Variants in CPQ observed in about 807,000 individuals in gnomAD.
CPQ encodes Ser-Met dipeptidase.
A neutral mutation model predicts 45.7 loss-of-function variants in CPQ; 37 were observed. The ratio of observed to expected loss-of-function variants is 0.81; its 90% CI spans 0.62 to 1.07. The LOEUF (loss-of-function observed/expected upper bound fraction) is 1.07, where lower values mean the gene tolerates loss of function less well. CPQ is among the 50% of genes least tolerant of loss of function. The pLI is 0.00. For missense variants in CPQ, 537 were observed against 572.9 expected, an observed-to-expected ratio of 0.94 and a Z score of 0.64; for synonymous variants, 186 against 205.8, an observed-to-expected ratio of 0.90 and a Z score of 0.82.
At chr8:97,068,348 G>C (rs1292091975) in intron 7 of CPQ, among the ~76,000 whole-genome samples, 1 of 152,138 alleles carries the variant, frequency 6.6e-6, no homozygotes. Flanking sequence ...GAATTAATAA[G>C]AGGCCGGGTG....
At chr8:96,699,088 C>G (rs977151087) in intron 1 of CPQ, among the ~76,000 whole-genome samples, 1 of 152,114 alleles carries the variant, frequency 6.6e-6, no homozygotes, top group Non-Finnish European at 1.5e-5. Flanking sequence ...AACTAAGTGT[C>G]CATCAACAGA....
chr8:96,956,911 C>G (rs1813366337), intron 4 of CPQ, among the ~76,000 whole-genome samples: 1 of 152,188 alleles, frequency 6.6e-6, no homozygotes, highest in African/African-American at 2.4e-5. Context: ...GCTAGAGGTA[C>G]TGTGCTTGGA....
chr8:96,920,302 C>G (rs1812789313), intron 4 of CPQ, among the ~76,000 whole-genome samples: 1 of 152,064 alleles, frequency 6.6e-6, no homozygotes, highest in Non-Finnish European at 1.5e-5. Context: ...GTTCTAGCAC[C>G]AGGGAAGAGT....
chr8:97,014,532 C>A (rs1298944013), intron 5 of CPQ, among the ~76,000 whole-genome samples: 1 of 151,400 alleles, frequency 6.6e-6, no homozygotes, highest in African/African-American at 2.4e-5. Context: ...TGCCTGTAAT[C>A]TCTGGAGGCA....
chr8:96,665,205 A>G (rs1808903920), intron 1 of CPQ, among the ~76,000 whole-genome samples: 1 of 152,198 alleles, frequency 6.6e-6, no homozygotes, highest in African/African-American at 2.4e-5. Flanking sequence ...GGAGAGGCAA[A>G]AGCAAGGGAG....
chr8:97,004,257 C>A (rs1258729270), intron 5 of CPQ, among the ~76,000 whole-genome samples: 1 of 146,864 alleles, frequency 6.8e-6, no homozygotes, highest in Non-Finnish European at 1.5e-5. Context: ...AGTAAAGGTC[C>A]AAAATAAATA....
chr8:96,848,918 C>T (rs1811734903), intron 3 of CPQ, among the ~76,000 whole-genome samples: 1 of 152,088 alleles, frequency 6.6e-6, no homozygotes, highest in South Asian at 2.1e-4. Context: ...AGGTGATGTA[C>T]TTTTTCATTA....
chr8:96,798,846 G>C (rs1299854950), intron 2 of CPQ, among the ~76,000 whole-genome samples: 1 of 151,952 alleles, frequency 6.6e-6, no homozygotes, highest in Non-Finnish European at 1.5e-5. Context: ...TATCTCCTCT[G>C]AAAAACTGAC....
chr8:97,046,578 T>C (rs1810260666), intron 6 of CPQ, among the ~76,000 whole-genome samples: 1 of 152,222 alleles, frequency 6.6e-6, no homozygotes, highest in South Asian at 2.1e-4. Flanking sequence ...CTGTTACTAG[T>C]TAAAACGGGA....
intron 7 of CPQ, among the ~76,000 whole-genome samples, chr8:97,096,767 G>A (rs1430713161): frequency 5.3e-5 from 8 of 152,214 alleles, no homozygotes; most frequent in Admixed American, 5.2e-4. Context: ...CCTGCAGAGA[G>A]GGGAAGAGTA....
intron 5 of CPQ, among the ~76,000 whole-genome samples, chr8:97,013,940 C>T (rs1275411452): frequency 4.6e-5 from 7 of 152,078 alleles, no homozygotes; most frequent in South Asian, 4.2e-4. Flanking sequence ...GTATATGTGT[C>T]ATTTATATGT....
chr8:97,042,333 C>A (rs1204443397), intron 6 of CPQ, among the ~76,000 whole-genome samples: 5 of 151,802 alleles, frequency 3.3e-5, no homozygotes, highest in Non-Finnish European at 7.4e-5. Context: ...GTGGTGATAT[C>A]CCCTTTATCA....
intron 3 of CPQ, among the ~76,000 whole-genome samples, chr8:96,856,714 A>G (rs552025454): frequency 1.3e-5 from 2 of 152,330 alleles, no homozygotes; most frequent in African/African-American, 4.8e-5. Context: ...GCATTCTGGC[A>G]GAGGAGATAG....
intron 1 of CPQ, among the ~76,000 whole-genome samples, chr8:96,739,679 T>C (rs2130777226): frequency 1.3e-5 from 2 of 149,520 alleles, no homozygotes; most frequent in East Asian, 3.9e-4. Flanking sequence ...TTTCTACATA[T>C]GGCTAGCCAG....
At chr8:97,014,923 C>T (rs1323652222) in intron 5 of CPQ, among the ~76,000 whole-genome samples, 1 of 151,848 alleles carries the variant, frequency 6.6e-6, no homozygotes, top group Non-Finnish European at 1.5e-5. Context: ...AAAACTTATG[C>T]TTCATATTTG....
At chr8:97,046,881 G>A (rs1810267662) in intron 6 of CPQ, among the ~76,000 whole-genome samples, 1 of 152,170 alleles carries the variant, frequency 6.6e-6, no homozygotes, top group South Asian at 2.1e-4. Flanking sequence ...AAGGTCAAAG[G>A]GAAAGGAACA....
rs558247215 is a variant in CPQ at position 97,105,270 on chromosome 8, G to A, written c.1256-37750G>A. On this transcript the variant is annotated intron_variant, in intron 7 of 7. Coordinates refer to ENST00000220763, the MANE Select transcript of CPQ (RefSeq NM_016134.4). The stretch of plus-strand genomic sequence containing the variant: ...AACCAACATTCTACCTTCTGCCTCT[G>A]AATTTGACAACTCTGGATACCTCAT... 4.6e-5 allele frequency among the ~76,000 whole-genome samples: 7 copies of A among 152,274 alleles called. No homozygotes were observed. In the East Asian group the frequency reaches 1.2e-3, roughly 25 times the overall value.
chr8:97,071,205 G>A (rs960562342), intron 7 of CPQ, among the ~76,000 whole-genome samples: 3 of 152,146 alleles, frequency 2.0e-5, no homozygotes, highest in African/African-American at 4.8e-5. Flanking sequence ...TTCTAACTAT[G>A]TAGGCAAACA....
rs1415996631 is a variant in CPQ at position 96,670,555 on chromosome 8, A to G, written c.-35+25153A>G. On this transcript the variant is annotated intron_variant, in intron 1 of 7. Transcript: ENST00000220763. ...AAGAAAATTAACAGAGACAGACATT[A>G]TCTAATGATAAAAGCCTTATGCTAA... Among the ~76,000 whole-genome samples, 4 of 152,176 alleles carry G rather than the reference A, an allele frequency of 2.6e-5. No individual in the cohort carries two copies. In the East Asian group the frequency reaches 7.7e-4, roughly 29 times the overall value.
Sources: allele counts gnomAD v4.1 joint callset (sites outside exome capture counted in the v4.1 genomes callset), GRCh38; gene constraint gnomAD v4.1.1; transcripts MANE v1.5; gene names NCBI Gene and HGNC (gene_info 2026-07-23, HGNC 2026-07-21).